ZMAT4: variants seen among roughly 807,000 people sequenced by gnomAD.
ZMAT4 encodes the protein zinc finger matrin-type 4.
In ZMAT4, 17 loss-of-function variants were observed where a neutral mutation model predicts 28.7. That is an observed-to-expected ratio of 0.59 (90% CI 0.41 to 0.89). The LOEUF is 0.89. Among genes scored for constraint, ZMAT4 ranks in the 40% least tolerant of loss-of-function variants. The probability of loss-of-function intolerance (pLI) is 0.00; values close to 1 mark genes in which losing one functional copy is unlikely to be tolerated. For missense variants in ZMAT4, 240 were observed against 283.8 expected (o/e 0.85, Z 1.11); for synonymous variants, 117 against 109.2 (o/e 1.07, Z -0.44).
chr8:40,862,143 C>A (rs1011902049), intron 1 of ZMAT4, among the ~76,000 whole-genome samples: 3 of 151,926 alleles, frequency 2.0e-5, no homozygotes, highest in African/African-American at 7.2e-5. Flanking sequence ...CGGCACTATA[C>A]ACAATAGCAA....
chr8:40,694,888 T>C (rs1033340068), intron 4 of ZMAT4, among the ~76,000 whole-genome samples: 3 of 152,106 alleles, frequency 2.0e-5, no homozygotes, highest in African/African-American at 2.4e-5. Flanking sequence ...AAACTGACCA[T>C]AAAGAAATTA....
At chr8:40,742,371 TTGTATATAAATATA>T (rs1017641695) in intron 3 of ZMAT4, among the ~76,000 whole-genome samples, 2 of 150,336 alleles carry the variant, frequency 1.3e-5, no homozygotes, top group Non-Finnish European at 3.0e-5. Context: ...TATATATCAC[TTGTATATAAATATA>T]TGTGTATAAA....
intron 6 of ZMAT4, among the ~76,000 whole-genome samples, chr8:40,576,677 A>G (rs549002135): frequency 1.3e-5 from 2 of 152,334 alleles, no homozygotes; most frequent in African/African-American, 2.4e-5. Flanking sequence ...TCCTACATCT[A>G]GAAATAAAAG....
intron 1 of ZMAT4, among the ~76,000 whole-genome samples, chr8:40,892,686 C>G (rs893557080): frequency 6.6e-6 from 1 of 152,238 alleles, no homozygotes; most frequent in African/African-American, 2.4e-5. Flanking sequence ...CGCTGTGTGA[C>G]AACGCCAAGG....
intron 5 of ZMAT4, among the ~76,000 whole-genome samples, chr8:40,660,715 T>C (rs1808149631): frequency 6.6e-6 from 1 of 152,206 alleles, no homozygotes; most frequent in Non-Finnish European, 1.5e-5. Flanking sequence ...ACCTCAACTA[T>C]AAAATCCCCA....
chr8:40,653,901 A>G (rs1807798634), intron 5 of ZMAT4, among the ~76,000 whole-genome samples: 1 of 152,164 alleles, frequency 6.6e-6, no homozygotes, highest in Admixed American at 6.6e-5. Context: ...ATGCTTCCCA[A>G]CTCACTCTAT....
At chr8:40,668,660 C>G (rs1340138387) in intron 5 of ZMAT4, among the ~76,000 whole-genome samples, 1 of 151,926 alleles carries the variant, frequency 6.6e-6, no homozygotes, top group Middle Eastern at 3.2e-3. Context: ...CTGTTTTGTG[C>G]AAATGCAGTC....
intron 5 of ZMAT4, among the ~76,000 whole-genome samples, chr8:40,607,587 G>A (rs1805642171): frequency 6.6e-6 from 1 of 151,856 alleles, no homozygotes; most frequent in Admixed American, 6.6e-5. Flanking sequence ...TGATTTCTTG[G>A]GGATGTTAAA....
intron 1 of ZMAT4, among the ~76,000 whole-genome samples, chr8:40,877,640 T>C (rs1818085146): frequency 6.6e-6 from 1 of 152,188 alleles, no homozygotes; most frequent in Non-Finnish European, 1.5e-5. Context: ...TTTGAACACA[T>C]TCAAAATTTT....
At chr8:40,604,665 A>G (rs560075530) in intron 5 of ZMAT4, among the ~76,000 whole-genome samples, 1 of 152,180 alleles carries the variant, frequency 6.6e-6, no homozygotes, top group Admixed American at 6.5e-5. Context: ...CAACAGAGAT[A>G]TTAATCCGTA....
intron 3 of ZMAT4, among the ~76,000 whole-genome samples, chr8:40,721,627 C>T (rs1811098343): frequency 6.7e-6 from 1 of 149,278 alleles, no homozygotes; most frequent in East Asian, 2.0e-4. Flanking sequence ...TCTCCACATC[C>T]TCTCCAGCAC....
intron 1 of ZMAT4, among the ~76,000 whole-genome samples, chr8:40,852,900 C>T (rs181240814): frequency 5.9e-5 from 9 of 152,272 alleles, no homozygotes; most frequent in African/African-American, 2.2e-4. Flanking sequence ...ATGGAATTTT[C>T]CAAACTTTAA....
intron 6 of ZMAT4, among the ~76,000 whole-genome samples, chr8:40,571,153 G>A (rs535142226): frequency 8.5e-5 from 13 of 152,188 alleles, no homozygotes; most frequent in African/African-American, 2.9e-4. Flanking sequence ...ACAATATTAA[G>A]TGTCATCGGT....
At chr8:40,711,777 A>C (rs1810634336) in intron 3 of ZMAT4, among the ~76,000 whole-genome samples, 1 of 152,222 alleles carries the variant, frequency 6.6e-6, no homozygotes, top group Non-Finnish European at 1.5e-5. Flanking sequence ...ATTCTGGAAA[A>C]GTCAGGATAG....
intron 1 of ZMAT4, among the ~76,000 whole-genome samples, chr8:40,833,969 G>A (rs942706314): frequency 3.3e-5 from 5 of 152,196 alleles, no homozygotes; most frequent in Admixed American, 6.5e-5. Context: ...AGAGGCAGAG[G>A]GAGAGAAAAC....
chr8:40,625,774 G>T (rs1806351799), intron 5 of ZMAT4, among the ~76,000 whole-genome samples: 1 of 152,070 alleles, frequency 6.6e-6, no homozygotes, highest in Non-Finnish European at 1.5e-5. Flanking sequence ...TTAAGGGAGA[G>T]GTTGGAGCCA....
intron 2 of ZMAT4, among the ~76,000 whole-genome samples, chr8:40,781,711 G>A (rs960063764): frequency 4.0e-5 from 5 of 123,474 alleles, no homozygotes; most frequent in East Asian, 2.3e-4. Flanking sequence ...GCAGTGAGCC[G>A]AGATCCCGCC....
intron 5 of ZMAT4, among the ~76,000 whole-genome samples, chr8:40,665,745 A>T (rs752105670): frequency 1.4e-4 from 22 of 152,294 alleles, no homozygotes; most frequent in Middle Eastern, 6.8e-3. Context: ...TGGGTGGTCA[A>T]TGATGAATCA....
At chr8:40,577,191 T>C (rs1025304176) in intron 6 of ZMAT4, among the ~76,000 whole-genome samples, 1 of 151,334 alleles carries the variant, frequency 6.6e-6, no homozygotes, top group Non-Finnish European at 1.5e-5. Context: ...TGAAACTCCA[T>C]CTCAAAAAAG....
Sources: gnomAD v4.1 joint callset for allele counts (sites outside exome capture counted in the v4.1 genomes callset) on GRCh38, gnomAD v4.1.1 for gene constraint, MANE v1.5 for transcripts, NCBI Gene and HGNC (gene_info 2026-07-23, HGNC 2026-07-21) for gene names.